GRIN2B: variants seen among roughly 807,000 people sequenced by gnomAD.
GRIN2B encodes the protein glutamate receptor ionotropic, NMDA 2B.
Under a neutral mutation model 114.5 loss-of-function variants are expected in GRIN2B, and 5 were observed. That is an observed-to-expected ratio of 0.04 (90% confidence interval 0.02 to 0.09). The LOEUF (loss-of-function observed/expected upper bound fraction) is 0.09, where lower values mean the gene tolerates loss of function less well. Ranked by LOEUF, GRIN2B falls within the 10% of genes least tolerant of loss-of-function variation. GRIN2B has a pLI of 1.00. For synonymous variants in GRIN2B, 787 were observed against 745.1 expected, an observed-to-expected ratio of 1.06 and a Z score of -0.92; for missense variants, 1,108 against 1,943.5, an observed-to-expected ratio of 0.57 and a Z score of 8.08.
intron 3 of GRIN2B, among the ~76,000 whole-genome samples, chr12:13,780,054 G>A (rs570684605): frequency 6.6e-6 from 1 of 152,168 alleles, no homozygotes; most frequent in East Asian, 1.9e-4. Flanking sequence ...ACCATATCAG[G>A]AAAATTCTCT....
At position 13,965,228 on chromosome 12, in the gene GRIN2B, C is replaced by T. The variant is rs530298407; in HGVS notation, c.-19+14700G>A. On this transcript the variant is annotated intron_variant, in intron 2 of 13. Transcript: ENST00000609686. ...TCTTTAAAAAGTCATTTTGAGGGTT[C>T]CTAGCCCTGGTCTCTTTAAGGTAAC... is the stretch of plus-strand genomic sequence containing the variant. Among the ~76,000 whole-genome samples the T allele has an allele frequency of 4.6e-5, 7 of 152,306 alleles. No individual in the cohort carries two copies. In the South Asian group the frequency reaches 8.3e-4, roughly 18 times the overall value.
chr12:13,743,654 A>G (rs1365040220), intron 4 of GRIN2B, among the ~76,000 whole-genome samples: 1 of 150,868 alleles, frequency 6.6e-6, no homozygotes, highest in African/African-American at 2.4e-5. Flanking sequence ...TGAGAAAACA[A>G]AAAGGAAGCA....
chr12:13,943,468 T>C (rs1257974537), intron 2 of GRIN2B, among the ~76,000 whole-genome samples: 1 of 152,148 alleles, frequency 6.6e-6, no homozygotes, highest in Non-Finnish European at 1.5e-5. Context: ...CCATTGAATT[T>C]AGAATAAAAT....
intron 4 of GRIN2B, among the ~76,000 whole-genome samples, chr12:13,747,818 A>G (rs977746370): frequency 2.0e-5 from 3 of 152,232 alleles, no homozygotes; most frequent in Non-Finnish European, 4.4e-5. Flanking sequence ...AAAGATGGGT[A>G]ATGACCAAGC....
chr12:13,686,405 T>C (rs565011163), intron 4 of GRIN2B, among the ~76,000 whole-genome samples: 2 of 152,198 alleles, frequency 1.3e-5, no homozygotes, highest in Non-Finnish European at 2.9e-5. Flanking sequence ...AAACGTGTAA[T>C]CATCTCTCCC....
intron 5 of GRIN2B, among the ~76,000 whole-genome samples, chr12:13,624,503 C>A (rs1949549564): frequency 6.6e-6 from 1 of 152,246 alleles, no homozygotes; most frequent in South Asian, 2.1e-4. Context: ...ACTGGCATGG[C>A]TTTGATGCTT....
intron 4 of GRIN2B, among the ~76,000 whole-genome samples, chr12:13,752,976 T>C (rs891017048): frequency 1.3e-5 from 2 of 152,184 alleles, no homozygotes; most frequent in Non-Finnish European, 2.9e-5. Flanking sequence ...CAACATGACA[T>C]TGTATAATTT....
At chr12:13,839,660 G>T (rs925113394) in intron 3 of GRIN2B, among the ~76,000 whole-genome samples, 1 of 152,174 alleles carries the variant, frequency 6.6e-6, no homozygotes, top group Non-Finnish European at 1.5e-5. Context: ...ACAAACGGAA[G>T]CCCCAGGTGT....
intron 5 of GRIN2B, among the ~76,000 whole-genome samples, chr12:13,667,478 C>A (rs1949988426): frequency 6.6e-6 from 1 of 152,054 alleles, no homozygotes; most frequent in African/African-American, 2.4e-5. Context: ...CTTTAAAAAG[C>A]AATCTTATGG....
chr12:13,922,240 C>T (rs1273669682), intron 2 of GRIN2B, among the ~76,000 whole-genome samples: 1 of 152,182 alleles, frequency 6.6e-6, no homozygotes, highest in Non-Finnish European at 1.5e-5. Context: ...TAAAGTGCTT[C>T]AGCAGATCAT....
intron 2 of GRIN2B, among the ~76,000 whole-genome samples, chr12:13,931,988 A>G (rs1867043091): frequency 6.6e-6 from 1 of 152,216 alleles, no homozygotes; most frequent in Non-Finnish European, 1.5e-5. Flanking sequence ...ACATAAAAAG[A>G]CAACATCCTC....
At chr12:13,880,845 C>T (rs913016590) in intron 2 of GRIN2B, among the ~76,000 whole-genome samples, 5 of 152,208 alleles carry the variant, frequency 3.3e-5, no homozygotes, top group African/African-American at 9.6e-5. Context: ...CCAAGTCTTC[C>T]TTCAGCTCTT....
intron 2 of GRIN2B, among the ~76,000 whole-genome samples, chr12:13,974,612 C>T (rs968318990): frequency 2.6e-5 from 4 of 152,102 alleles, no homozygotes; most frequent in African/African-American, 4.8e-5. Flanking sequence ...TTCCTCAAGA[C>T]ATAATTTAAA....
intron 5 of GRIN2B, among the ~76,000 whole-genome samples, chr12:13,638,469 G>A (rs373483625): frequency 6.6e-6 from 1 of 152,106 alleles, no homozygotes; most frequent in Non-Finnish European, 1.5e-5. Context: ...ATTGGCAGAG[G>A]CAGCCCTTGA....
chr12:13,594,954 C>G (rs949592748), intron 10 of GRIN2B, among the ~76,000 whole-genome samples: 3 of 152,128 alleles, frequency 2.0e-5, no homozygotes, highest in Admixed American at 6.5e-5. Context: ...GCGGAAATGC[C>G]CCTTACTACT....
In GRIN2B at chr12:13,615,087, C is replaced by T; in HGVS notation, c.1654+27G>A. 1 of 1,598,740 alleles carries T rather than the reference C, an allele frequency of 6.3e-7. No individual in the cohort carries two copies. The highest frequency in any genetic ancestry group is 1.3e-5 in the African/African-American group (1 of 74,780). On this transcript the variant is annotated intron_variant, in intron 8 of 13. Transcript: ENST00000609686. The surrounding 1 kb of genome is among the most constrained non-coding windows in gnomAD (Gnocchi z 5.8). ...CACTTCCCCATCCATACGTCCATTT[C>T]CTTCCACCAGCAAACCCATCATTTA...
At chr12:13,857,562 G>A (rs1865684040) in intron 3 of GRIN2B, among the ~76,000 whole-genome samples, 1 of 152,192 alleles carries the variant, frequency 6.6e-6, no homozygotes, top group African/African-American at 2.4e-5. Context: ...TTCTGGAGAA[G>A]ACTAGACTAA....
At chr12:13,687,130 C>G (rs1315140967) in intron 4 of GRIN2B, among the ~76,000 whole-genome samples, 1 of 152,126 alleles carries the variant, frequency 6.6e-6, no homozygotes, top group Non-Finnish European at 1.5e-5. Context: ...TCAGCATCAT[C>G]AAAAAGTAAA....
At chr12:13,976,046 G>A (rs1020831455) in intron 2 of GRIN2B, among the ~76,000 whole-genome samples, 1 of 152,252 alleles carries the variant, frequency 6.6e-6, no homozygotes, top group African/African-American at 2.4e-5. Flanking sequence ...AATGTTCACA[G>A]CACAATGGAT....
Sources: gnomAD v4.1 joint callset for allele counts (sites outside exome capture counted in the v4.1 genomes callset) on GRCh38, gnomAD v4.1.1 for gene constraint, Gnocchi (gnomAD v3.1) non-coding constraint, MANE v1.5 for transcripts, NCBI Gene and HGNC (gene_info 2026-07-23, HGNC 2026-07-21) for gene names.